MYO3A: variants seen among roughly 807,000 people sequenced by gnomAD.
MYO3A encodes myosin-IIIa.
MYO3A carries 180 observed loss-of-function variants against 192.7 expected under a neutral mutation model. The ratio of observed to expected loss-of-function variants is 0.93; its 90% CI spans 0.83 to 1.06. The LOEUF (loss-of-function observed/expected upper bound fraction) is 1.06. Ranked by LOEUF, MYO3A falls within the 50% of genes least tolerant of loss-of-function variation. The probability of loss-of-function intolerance (pLI) is 0.00; values close to 1 mark genes in which losing one functional copy is unlikely to be tolerated. For synonymous variants in MYO3A, 628 were observed against 645.3 expected (o/e 0.97, Z 0.41); for missense variants, 1,896 against 1,905.0 (o/e 1.00, Z 0.09).
intron 31 of MYO3A, among the ~76,000 whole-genome samples, chr10:26,188,177 C>T (rs1418625363): frequency 8.5e-5 from 13 of 152,092 alleles, no homozygotes; most frequent in South Asian, 8.3e-4. Context: ...TTTTAATGAT[C>T]GCCATTCTAA....
At chr10:26,010,535 C>G (rs924094934) in intron 6 of MYO3A, among the ~76,000 whole-genome samples, 2 of 144,130 alleles carry the variant, frequency 1.4e-5, no homozygotes, top group African/African-American at 2.6e-5. Context: ...GCAATTTCGG[C>G]TCACTGCAAC....
At chr10:25,958,698 A>G (rs1246154080) in intron 4 of MYO3A, among the ~76,000 whole-genome samples, 5 of 152,186 alleles carry the variant, frequency 3.3e-5, no homozygotes, top group Non-Finnish European at 7.3e-5. Context: ...GGCCATTTAA[A>G]TGACATTGAT....
chr10:26,192,473 G>C (rs532498862), intron 31 of MYO3A, among the ~76,000 whole-genome samples: 13 of 152,166 alleles, frequency 8.5e-5, no homozygotes, highest in Admixed American at 2.0e-4. Flanking sequence ...CTGGTACAAG[G>C]GGGAGGGAAG....
At position 26,168,754 on chromosome 10, in the gene MYO3A, C is replaced by T. The variant is rs772485524; in HGVS notation, c.3154C>T (p.Arg1052Ter). The change falls in exon 28 of 35, where the codon CGA (arginine) becomes TGA (stop). Residue 1052 changes from arginine to a stop codon, truncating the protein, a stop_gained. Coordinates refer to ENST00000642920, the MANE Select transcript of MYO3A (RefSeq NM_017433.5). LOFTEE classifies it high-confidence loss of function. Reference protein sequence around the residue: ...YYHVEQLNLMRKEAIDKLILI... With the variant: ...YYHVEQLNLM Reference sequence around the variant, plus strand: ...TCACGTGGAGCAGTTAAATCTAATGCGAAAGGAAGCTATTGACAAGCTTAT... The same window carrying T: ...TCACGTGGAGCAGTTAAATCTAATGTGAAAGGAAGCTATTGACAAGCTTAT... The T allele has an allele frequency of 1.7e-5, 27 of 1,612,958 alleles. No individual in the cohort carries two copies. Among genetic ancestry groups the T allele is most frequent in the Admixed American group, 5.0e-5 (3 of 59,988 alleles).
At chr10:26,024,642 C>G (rs987662389) in intron 9 of MYO3A, among the ~76,000 whole-genome samples, 1 of 152,114 alleles carries the variant, frequency 6.6e-6, no homozygotes, top group Non-Finnish European at 1.5e-5. Flanking sequence ...CCTTCAGGAC[C>G]TGTTATAAGG....
At chr10:25,974,505 C>A (rs1564419434) in intron 4 of MYO3A, among the ~76,000 whole-genome samples, 2 of 152,142 alleles carry the variant, frequency 1.3e-5, no homozygotes, top group South Asian at 4.1e-4. Context: ...GTTCTTATGA[C>A]CTGCCTCTCC....
chr10:26,211,190 G>GGAGT (rs1173426766), intron 34 of MYO3A, among the ~76,000 whole-genome samples: 1 of 152,198 alleles, frequency 6.6e-6, no homozygotes, highest in Non-Finnish European at 1.5e-5. Context: ...GAATCAATGG[G>GGAGT]GAGTGAATGA....
intron 10 of MYO3A, among the ~76,000 whole-genome samples, chr10:26,052,352 G>A (rs1445888270): frequency 1.3e-5 from 2 of 152,194 alleles, no homozygotes; most frequent in Non-Finnish European, 1.5e-5. Flanking sequence ...CAGGAATGAA[G>A]AGGGCAATTA....
rs148271687 is a variant in MYO3A, at chr10:26,133,739, G to A, written c.2262+5201G>A. On this transcript the variant is annotated intron_variant, in intron 20 of 34. Coordinates refer to ENST00000642920, the MANE Select transcript of MYO3A (RefSeq NM_017433.5). ...CTCCTGAGTAGTTGGGGCCACTGGC[G>A]TGTACCACCATACCTGGCTAAATTT... 1.3e-3 allele frequency among the ~76,000 whole-genome samples: 205 copies of A among 152,208 alleles called. 5 individuals are homozygous for A. The East Asian group carries it at 0.035, about 26-fold the overall frequency.
intron 4 of MYO3A, among the ~76,000 whole-genome samples, chr10:25,962,178 G>A (rs1472290785): frequency 6.6e-6 from 1 of 151,994 alleles, no homozygotes; most frequent in East Asian, 1.9e-4. Flanking sequence ...TGGGCAGTCT[G>A]TTTTCTCTAG....
At chr10:26,194,764 AG>A (rs1477194441) in intron 32 of MYO3A, among the ~76,000 whole-genome samples, 1 of 152,152 alleles carries the variant, frequency 6.6e-6, no homozygotes. Context: ...CTACAACCTC[AG>A]TGACTGCTGA....
chr10:25,954,243 G>A (rs984783125), intron 3 of MYO3A, among the ~76,000 whole-genome samples: 2 of 152,000 alleles, frequency 1.3e-5, no homozygotes, highest in Admixed American at 6.6e-5. Context: ...CTTATTTATT[G>A]CTGTATGAAT....
At chr10:25,971,987 C>T (rs1838677524) in intron 4 of MYO3A, among the ~76,000 whole-genome samples, 1 of 152,104 alleles carries the variant, frequency 6.6e-6, no homozygotes, top group African/African-American at 2.4e-5. Context: ...GGACTACATG[C>T]ATTTATCTTA....
At chr10:26,047,498 G>C (rs1194436014) in intron 10 of MYO3A, among the ~76,000 whole-genome samples, 1 of 152,156 alleles carries the variant, frequency 6.6e-6, no homozygotes, top group Admixed American at 6.5e-5. Context: ...TTCCGGCCGG[G>C]CACAGTGGCT....
rs540126484 is a variant in MYO3A at position 26,027,386 on chromosome 10, C to T, written c.953+854C>T. On this transcript the variant is annotated intron_variant, in intron 10 of 34. Coordinates refer to ENST00000642920, the MANE Select transcript of MYO3A (RefSeq NM_017433.5). Reference sequence around the variant, plus strand: ...TTGAGACAGGGTCTCACTTTGTCTCCTAGGCTGGAGTGCAGTGGTGCCATC... The same window carrying T: ...TTGAGACAGGGTCTCACTTTGTCTCTTAGGCTGGAGTGCAGTGGTGCCATC... Among the ~76,000 whole-genome samples the T allele has an allele frequency of 5.9e-5, 9 of 151,998 alleles. No homozygotes were observed. The South Asian group carries it at 1.9e-3, about 32-fold the overall frequency.
At chr10:26,017,635 A>G (rs1842054305) in intron 7 of MYO3A, among the ~76,000 whole-genome samples, 1 of 152,040 alleles carries the variant, frequency 6.6e-6, no homozygotes, top group South Asian at 2.1e-4. Context: ...AAAAGCTGGT[A>G]TGCTGTTTTT....
chr10:25,956,631 T>G (rs994810688), intron 4 of MYO3A, among the ~76,000 whole-genome samples: 15 of 151,960 alleles, frequency 9.9e-5, no homozygotes, highest in Admixed American at 2.0e-4. Context: ...TTATGGTTTT[T>G]AAATGATTCT....
intron 2 of MYO3A, among the ~76,000 whole-genome samples, chr10:25,947,349 G>GA (rs202048343): frequency 0.015 from 2,145 of 144,950 alleles, 69 homozygotes; most frequent in African/African-American, 0.052. Flanking sequence ...TCTATTCTCT[G>GA]AAAAAAAATG....
At chr10:26,146,876 G>A (rs904765998) in intron 22 of MYO3A, among the ~76,000 whole-genome samples, 2 of 152,164 alleles carry the variant, frequency 1.3e-5, no homozygotes, top group Admixed American at 6.5e-5. Context: ...ACTTTGGGAG[G>A]CCGAGGTAGG....
Sources: allele counts gnomAD v4.1 joint callset (sites outside exome capture counted in the v4.1 genomes callset), GRCh38; gene constraint gnomAD v4.1.1; transcripts MANE v1.5; gene names NCBI Gene and HGNC (gene_info 2026-07-23, HGNC 2026-07-21).